The following PARD3 variants were observed in gnomAD, a reference collection of about 807,000 sequenced individuals.
PARD3 encodes the protein partitioning defective 3 homolog.
A neutral mutation model predicts 155.4 loss-of-function variants in PARD3; 75 were observed. That is an observed-to-expected ratio of 0.48 (90% CI 0.40 to 0.58). The LOEUF is 0.58. Among genes scored for constraint, PARD3 ranks in the 20% least tolerant of loss-of-function variants. The pLI is 0.00. For synonymous variants in PARD3, 576 were observed against 610.5 expected (o/e 0.94, Z 0.83); for missense variants, 1,642 against 1,721.7 (o/e 0.95, Z 0.82).
At chr10:34,193,797 G>A (rs1040171256) in intron 22 of PARD3, among the ~76,000 whole-genome samples, 4 of 152,242 alleles carry the variant, frequency 2.6e-5, no homozygotes, top group Admixed American at 6.5e-5. Context: ...ACCAGCGTGG[G>A]CCACCCTTTA....
At chr10:34,748,835 C>T (rs759008114) in intron 1 of PARD3, among the ~76,000 whole-genome samples, 7 of 152,160 alleles carry the variant, frequency 4.6e-5, no homozygotes, top group Admixed American at 1.3e-4. Context: ...AATCCTATGA[C>T]GCTGTAACTC....
At chr10:34,539,967 G>T (rs896415499) in intron 2 of PARD3, among the ~76,000 whole-genome samples, 1 of 152,138 alleles carries the variant, frequency 6.6e-6, no homozygotes, top group African/African-American at 2.4e-5. Context: ...AACCATACGC[G>T]ACTACCTTCC....
At chr10:34,751,199 A>G (rs1489048693) in intron 1 of PARD3, among the ~76,000 whole-genome samples, 1 of 133,588 alleles carries the variant, frequency 7.5e-6, no homozygotes, top group Non-Finnish European at 1.7e-5. Flanking sequence ...CTGAGCTGTT[A>G]CAAGTATTAA....
intron 5 of PARD3, among the ~76,000 whole-genome samples, 187 bp from the exon 6 acceptor site, chr10:34,402,104 C>G (rs1589441029): frequency 6.6e-6 from 1 of 152,016 alleles, no homozygotes; most frequent in East Asian, 1.9e-4. Context: ...AAACAAGAGT[C>G]TCATGAGATA....
chr10:34,209,940 C>T (rs1004769091), intron 22 of PARD3, among the ~76,000 whole-genome samples: 1 of 152,074 alleles, frequency 6.6e-6, no homozygotes, highest in African/African-American at 2.4e-5. Context: ...TAAAGTTAAT[C>T]CTCAGTTACC....
chr10:34,805,698 C>T (rs1398865371), intron 1 of PARD3, among the ~76,000 whole-genome samples: 3 of 151,438 alleles, frequency 2.0e-5, no homozygotes, highest in African/African-American at 4.9e-5. Context: ...ATTCTGGGGC[C>T]GGGCGCGGTG....
chr10:34,552,810 T>G (rs2084692200), intron 2 of PARD3, among the ~76,000 whole-genome samples: 1 of 152,124 alleles, frequency 6.6e-6, no homozygotes, highest in African/African-American at 2.4e-5. Flanking sequence ...AGACCTTTAA[T>G]AAACGGACTG....
intron 1 of PARD3, among the ~76,000 whole-genome samples, chr10:34,711,335 C>G (rs2094446426): frequency 6.6e-6 from 1 of 152,148 alleles, no homozygotes; most frequent in Non-Finnish European, 1.5e-5. Context: ...GCCTGGCCAA[C>G]ATGGTGAAAC....
intron 22 of PARD3, among the ~76,000 whole-genome samples, chr10:34,227,414 T>C (rs1952653533): frequency 6.6e-6 from 1 of 152,156 alleles, no homozygotes; most frequent in African/African-American, 2.4e-5. Context: ...GGTAGGTGGA[T>C]CACCTGAGGT....
intron 20 of PARD3, among the ~76,000 whole-genome samples, chr10:34,299,259 C>T (rs1957045863): frequency 6.6e-6 from 1 of 152,186 alleles, no homozygotes; most frequent in Non-Finnish European, 1.5e-5. Context: ...GCCAAGGCTG[C>T]TATTCCAGCT....
At chr10:34,251,977 C>G (rs1229468675) in intron 22 of PARD3, among the ~76,000 whole-genome samples, 1 of 152,130 alleles carries the variant, frequency 6.6e-6, no homozygotes, top group Non-Finnish European at 1.5e-5. Context: ...GACAACACCC[C>G]CTGCCCCGCT....
intron 1 of PARD3, among the ~76,000 whole-genome samples, chr10:34,798,836 G>T (rs186042550): frequency 6.6e-6 from 1 of 152,124 alleles, no homozygotes; most frequent in African/African-American, 2.4e-5. Context: ...AGGCGAGCAG[G>T]GTTGCAAATC....
chr10:34,713,896 T>C (rs1229632124), intron 1 of PARD3, among the ~76,000 whole-genome samples: 1 of 152,130 alleles, frequency 6.6e-6, no homozygotes, highest in Admixed American at 6.5e-5. Context: ...AACTATAATA[T>C]TGGGTGGTAT....
chr10:34,280,982 G>A (rs1254585523), intron 21 of PARD3, among the ~76,000 whole-genome samples: 1 of 152,086 alleles, frequency 6.6e-6, no homozygotes, highest in African/African-American at 2.4e-5. Context: ...GCTGAACACT[G>A]GGCAATCCTG....
chr10:34,187,612 T>C (rs1158372329), intron 22 of PARD3, among the ~76,000 whole-genome samples: 1 of 151,974 alleles, frequency 6.6e-6, no homozygotes, highest in Non-Finnish European at 1.5e-5. Context: ...TTTAGGGGAG[T>C]GATGTAAATT....
At chr10:34,183,090 A>G (rs1484322486) in intron 22 of PARD3, among the ~76,000 whole-genome samples, 1 of 152,230 alleles carries the variant, frequency 6.6e-6, no homozygotes, top group African/African-American at 2.4e-5. Flanking sequence ...ATAACCCCCA[A>G]GTCTAACGGG....
intron 4 of PARD3, among the ~76,000 whole-genome samples, chr10:34,454,318 C>T (rs773790096): frequency 6.6e-6 from 1 of 151,940 alleles, no homozygotes; most frequent in African/African-American, 2.4e-5. Flanking sequence ...CCATAAACAT[C>T]GCAGCATACA....
chr10:34,715,574 G>GT (rs1431486360), intron 1 of PARD3, among the ~76,000 whole-genome samples: 1 of 152,146 alleles, frequency 6.6e-6, no homozygotes, highest in African/African-American at 2.4e-5. Flanking sequence ...TGGCTGAAAT[G>GT]TATCTCTGCA....
At chr10:34,136,455 A>G (rs939712161) in intron 22 of PARD3, among the ~76,000 whole-genome samples, 1 of 152,200 alleles carries the variant, frequency 6.6e-6, no homozygotes, top group South Asian at 2.1e-4. Flanking sequence ...GGAAGAGAGT[A>G]GTTTTAAGAT....
Sources: allele counts gnomAD v4.1 joint callset (sites outside exome capture counted in the v4.1 genomes callset), GRCh38; gene constraint gnomAD v4.1.1; transcripts MANE v1.5; gene names NCBI Gene and HGNC (gene_info 2026-07-23, HGNC 2026-07-21).